The following KPNA4 variants were observed in gnomAD, a reference collection of about 807,000 sequenced individuals.
KPNA4 encodes the protein karyopherin subunit alpha 4.
A neutral mutation model predicts 71.3 loss-of-function variants in KPNA4; 13 were observed. That is an observed-to-expected ratio of 0.18 (90% CI 0.12 to 0.29). The LOEUF (loss-of-function observed/expected upper bound fraction) is 0.29. Among genes scored for constraint, KPNA4 ranks in the 10% least tolerant of loss-of-function variants. The probability of loss-of-function intolerance (pLI) is 1.00; values close to 1 mark genes in which losing one functional copy is unlikely to be tolerated. For synonymous variants in KPNA4, 189 were observed against 195.2 expected, an observed-to-expected ratio of 0.97 and a Z score of 0.26; for missense variants, 334 against 603.2, an observed-to-expected ratio of 0.55 and a Z score of 4.67.
intron 1 of KPNA4, among the ~76,000 whole-genome samples, chr3:160,546,019 C>T (rs1352293890): frequency 4.0e-5 from 6 of 151,888 alleles, no homozygotes; most frequent in African/African-American, 1.2e-4. Context: ...GATAATGCAT[C>T]GAATGAGATG....
At chr3:160,522,186 A>G (rs568975635) in intron 10 of KPNA4, among the ~76,000 whole-genome samples, 46 of 152,346 alleles carry the variant, frequency 3.0e-4, no homozygotes, top group Admixed American at 2.9e-3. Context: ...CACAGCTCAT[A>G]AAACAGGAGA....
chr3:160,530,914 C>A lies in KPNA4; in HGVS notation c.410G>T (p.Trp137Leu). 6.2e-7 allele frequency: 1 copy of A among 1,611,702 alleles called. No homozygotes were observed. The highest frequency in any genetic ancestry group is 8.5e-7 in the Non-Finnish European group (1 of 1,178,882). The change falls in exon 7 of 17, where the codon TGG becomes TTG. Residue 137 changes from tryptophan (W) to leucine (L), a missense_variant. Coordinates refer to ENST00000334256, the MANE Select transcript of KPNA4 (RefSeq NM_002268.5). Reference protein sequence around the residue: ...DNPSLQFEAAWALTNIASGTS... With the variant: ...DNPSLQFEAALALTNIASGTS... ...TCCAGATGCAATGTTTGTCAAAGCC[C>A]ATGCAGCTTCAAACTGTAAAGAAGG...
chr3:160,516,644 A>C lies in KPNA4; in HGVS notation c.904-1064T>G, dbSNP rs529864173. 3.9e-5 allele frequency among the ~76,000 whole-genome samples: 6 copies of C among 151,932 alleles called. No homozygotes were observed. The East Asian group carries it at 1.2e-3, about 30-fold the overall frequency. On this transcript the variant is annotated intron_variant, in intron 11 of 16. Coordinates refer to ENST00000334256, the MANE Select transcript of KPNA4 (RefSeq NM_002268.5). ...AATATTAGCTGGGTGTGGTGGCACG[A>C]GCCTGTAGTCCCAGCTACTTGGGAG...
chr3:160,516,879 T>C (rs888186724), intron 11 of KPNA4, among the ~76,000 whole-genome samples: 1 of 152,096 alleles, frequency 6.6e-6, no homozygotes, highest in Admixed American at 6.5e-5. Flanking sequence ...TTTTCTGTGG[T>C]TGCATGAGGT....
chr3:160,550,964 T>C (rs1224488152), intron 1 of KPNA4, among the ~76,000 whole-genome samples: 1 of 152,148 alleles, frequency 6.6e-6, no homozygotes, highest in African/African-American at 2.4e-5. Context: ...TGGCCTGTAG[T>C]TTTCTTTTCT....
chr3:160,565,367 GGCCGCCGCCTGAGCTGCTGTGCCCGCCGC>G lies in KPNA4; in HGVS notation c.-114_-86del, dbSNP rs1175872685. The G allele has an allele frequency of 8.6e-6, 10 of 1,156,280 alleles. No individual in the cohort carries two copies. The highest frequency in any genetic ancestry group is 6.1e-5 in the Admixed American group (3 of 49,108). 71.6% of individuals were successfully genotyped at this position (1,156,280 alleles called of 1,614,324 possible). A position where few individuals can be genotyped will look rare whatever the true frequency, so the allele number is the denominator to read the frequency against. ...GCCGCACCGACACTCCCAGGAACCG[GGCCGCCGCCTGAGCTGCTGTGCCCGCCGC>G]GCCGCCGCTTCCTTCCTCCTCTCAC... On this transcript the variant is annotated 5_prime_UTR_variant, in exon 1 of 17. Transcript: ENST00000334256.
chr3:160,526,796 A>G (rs1721468002), intron 8 of KPNA4, among the ~76,000 whole-genome samples: 1 of 152,230 alleles, frequency 6.6e-6, no homozygotes, highest in African/African-American at 2.4e-5. Context: ...ATATCTGGAG[A>G]TAAAATGTTT....
chr3:160,557,927 C>T (rs1376112514), intron 1 of KPNA4, among the ~76,000 whole-genome samples: 1 of 152,192 alleles, frequency 6.6e-6, no homozygotes, highest in Non-Finnish European at 1.5e-5. Context: ...AGCAATCCTC[C>T]TGCCTCAGCC....
chr3:160,497,596 TTGTTAG>T lies in KPNA4; in HGVS notation c.*4502_*4507del, dbSNP rs1720792052. 6.6e-6 allele frequency: 1 copy of T among 152,180 alleles called. No homozygotes were observed. The highest frequency in any genetic ancestry group is 1.5e-5 in the Non-Finnish European group (1 of 68,036). 9.4% of individuals were successfully genotyped at this position (152,180 alleles called of 1,614,324 possible). ...AATGTCAAGTTTGTTAGGCATCAGT[TTGTTAG>T]TGTTTGGGAGTATTGCCTCAGATAT... On this transcript the variant is annotated 3_prime_UTR_variant, in exon 17 of 17. Coordinates refer to ENST00000334256, the MANE Select transcript of KPNA4 (RefSeq NM_002268.5).
intron 1 of KPNA4, among the ~76,000 whole-genome samples, chr3:160,552,446 T>A (rs1391761097): frequency 4.6e-5 from 7 of 152,170 alleles, no homozygotes; most frequent in Non-Finnish European, 8.8e-5. Flanking sequence ...TTCATTTAAT[T>A]CCCTCAAATA....
rs572265626 is a variant in KPNA4, at chr3:160,515,686, C to T, written c.904-106G>A. The stretch of plus-strand genomic sequence containing the variant: ...GTAGAGTGCAGTGGTGCGATCTCAG[C>T]TCACTGTAACCTCTGCCTCTCAGGC... On this transcript the variant is annotated intron_variant, in intron 11 of 16. Coordinates refer to ENST00000334256, the MANE Select transcript of KPNA4 (RefSeq NM_002268.5). The T allele has an allele frequency of 1.5e-5, 19 of 1,254,984 alleles. No individual in the cohort carries two copies. In the South Asian group the frequency reaches 2.4e-4, roughly 16 times the overall value. The allele number at this position is 1,254,984 out of a possible 1,614,324, so 77.7% of individuals were successfully genotyped here.
chr3:160,552,081 C>T (rs1010765499), intron 1 of KPNA4, among the ~76,000 whole-genome samples: 1 of 151,902 alleles, frequency 6.6e-6, no homozygotes, highest in Non-Finnish European at 1.5e-5. Context: ...AGGATGAAAA[C>T]CTTTGCTGTA....
intron 5 of KPNA4, among the ~76,000 whole-genome samples, chr3:160,532,297 T>C (rs1446457499): frequency 6.6e-6 from 1 of 152,246 alleles, no homozygotes; most frequent in African/African-American, 2.4e-5. Flanking sequence ...TCCAAAATTA[T>C]TCACACTAGG....
chr3:160,559,294 T>C (rs1722198875), intron 1 of KPNA4, among the ~76,000 whole-genome samples: 2 of 152,050 alleles, frequency 1.3e-5, no homozygotes, highest in African/African-American at 2.4e-5. Context: ...GAAAAAAAAA[T>C]TGAGCTTCCC....
intron 11 of KPNA4, among the ~76,000 whole-genome samples, chr3:160,516,009 C>T (rs374596478): frequency 4.1e-4 from 63 of 152,210 alleles, no homozygotes; most frequent in African/African-American, 1.3e-3. Context: ...TTTTTTGAGA[C>T]GGAGTCTCAC....
intron 16 of KPNA4, 120 bp downstream of exon 16, chr3:160,504,838 T>C (rs1720952299): frequency 5.0e-6 from 2 of 396,610 alleles, no homozygotes; most frequent in Non-Finnish European, 4.3e-6. Flanking sequence ...CTGTCATACA[T>C]CTATTTTAAT....
rs1259302613 is a variant in KPNA4, at chr3:160,535,670, A to G, written c.225T>C (p.Ala75=). 1 of 1,576,542 alleles carries G rather than the reference A, an allele frequency of 6.3e-7. No homozygotes were observed. The highest frequency in any genetic ancestry group is 2.0e-5 in the Admixed American group (1 of 48,882). Residue 75 remains alanine (A), a synonymous_variant, in exon 4 of 17, where the codon GCT becomes GCC. Transcript: ENST00000334256. Reference sequence around the variant, plus strand: ...AAAAAATCCAACTTACTTGAACAATAGCTTCTAGAGAGGTATTTTGCTGGG... The same window carrying G: ...AAAAAATCCAACTTACTTGAACAATGGCTTCTAGAGAGGTATTTTGCTGGG... ...DYRVQNTSLE[A]IVQNASSDNQ... is the part of the protein sequence containing the mutation.
At position 160,501,196 on chromosome 3, in the gene KPNA4, A is replaced by C. The variant is rs1428729258; in HGVS notation, c.*908T>G. On this transcript the variant is annotated 3_prime_UTR_variant, in exon 17 of 17. Transcript: ENST00000334256. Reference sequence around the variant, plus strand: ...TAGCATCAAACATTCATCTGGTGCAAATGCACAGGGAAACCTTCCTGAAAA... The same window carrying C: ...TAGCATCAAACATTCATCTGGTGCACATGCACAGGGAAACCTTCCTGAAAA... The C allele has an allele frequency of 8.5e-5, 13 of 152,380 alleles. No homozygotes were observed. The Admixed American group carries it at 8.5e-4, about 10-fold the overall frequency. The allele number at this position is 152,380 out of a possible 1,614,324, so 9.4% of individuals were successfully genotyped here.
chr3:160,549,515 T>C (rs1721995560), intron 1 of KPNA4, among the ~76,000 whole-genome samples: 1 of 152,198 alleles, frequency 6.6e-6, no homozygotes. Context: ...CCCAGCACCG[T>C]TTGTTAAAGG....
Sources: gnomAD v4.1 joint callset for allele counts (sites outside exome capture counted in the v4.1 genomes callset) on GRCh38, gnomAD v4.1.1 for gene constraint, MANE v1.5 for transcripts, NCBI Gene and HGNC (gene_info 2026-07-23, HGNC 2026-07-21) for gene names.